SNTB1: variants seen among roughly 807,000 people sequenced by gnomAD.
The protein encoded by SNTB1 is syntrophin beta 1.
A neutral mutation model predicts 48.9 loss-of-function variants in SNTB1; 36 were observed. The ratio of observed to expected loss-of-function variants is 0.74; its 90% CI spans 0.56 to 0.97. The LOEUF (loss-of-function observed/expected upper bound fraction) is 0.97, where lower values mean the gene tolerates loss of function less well. Ranked by LOEUF, SNTB1 falls within the 50% of genes least tolerant of loss-of-function variation. The pLI, the probability that SNTB1 is intolerant of heterozygous loss-of-function variation, is 0.00. For missense variants in SNTB1, 786 were observed against 703.4 expected (o/e 1.12, Z -1.33); for synonymous variants, 299 against 294.6 (o/e 1.01, Z -0.15).
At chr8:120,663,284 A>C (rs1179594882) in intron 2 of SNTB1, among the ~76,000 whole-genome samples, 1 of 152,208 alleles carries the variant, frequency 6.6e-6, no homozygotes, top group African/African-American at 2.4e-5. Flanking sequence ...ATGAAGAGGA[A>C]AAGTTAACTA....
At chr8:120,542,612 C>G (rs1178073608) in intron 5 of SNTB1, among the ~76,000 whole-genome samples, 1 of 152,030 alleles carries the variant, frequency 6.6e-6, no homozygotes, top group Non-Finnish European at 1.5e-5. Context: ...CGAGATTGCT[C>G]CACTGTACTC....
chr8:120,545,386 C>A lies in SNTB1; in HGVS notation c.1333+3376G>T, dbSNP rs62526663. ...ACTCCTGGGTGACCAGGAAGTTGCA[C>A]CCTGGCGTTATACGACTCAAAGAGT... On this transcript the variant is annotated intron_variant, in intron 5 of 6. Transcript: ENST00000517992. 5.8e-3 allele frequency among the ~76,000 whole-genome samples: 888 copies of A among 152,218 alleles called. 7 individuals carry two copies. Among genetic ancestry groups the A allele is most frequent in the East Asian group, 0.024 (125 of 5,182 alleles).
rs200609663 is a variant in SNTB1 at position 120,787,464 on chromosome 8, C to T, written c.571+23809G>A. 4.1e-5 allele frequency among the ~76,000 whole-genome samples: 6 copies of T among 144,752 alleles called. 1 individual carries two copies. Among genetic ancestry groups the T allele is most frequent in the African/African-American group, 1.4e-4 (5 of 34,928 alleles). 95.0% of individuals were successfully genotyped at this position (144,752 alleles called of 152,430 possible). On this transcript the variant is annotated intron_variant, in intron 1 of 6. Coordinates refer to ENST00000517992, the MANE Select transcript of SNTB1 (RefSeq NM_021021.4). ...AGATACAGAAGAAAGGTAAAAAAAACAACATAAATAAATTTCAAAAACAAT... is the reference window on the plus strand; with the variant it reads ...AGATACAGAAGAAAGGTAAAAAAAATAACATAAATAAATTTCAAAAACAAT...
At chr8:120,778,837 A>C (rs1399965353) in intron 1 of SNTB1, among the ~76,000 whole-genome samples, 1 of 152,244 alleles carries the variant, frequency 6.6e-6, no homozygotes, top group Non-Finnish European at 1.5e-5. Flanking sequence ...GTCTAAAAAA[A>C]CTGAAAAAAC....
intron 4 of SNTB1, among the ~76,000 whole-genome samples, chr8:120,560,834 T>G (rs2130667077): frequency 6.6e-6 from 1 of 152,300 alleles, no homozygotes; most frequent in Non-Finnish European, 1.5e-5. Flanking sequence ...GCCGCAACGC[T>G]TCTTTGAAAG....
chr8:120,708,507 G>A (rs1045866182), intron 1 of SNTB1, among the ~76,000 whole-genome samples: 1 of 151,892 alleles, frequency 6.6e-6, no homozygotes, highest in Non-Finnish European at 1.5e-5. Flanking sequence ...ATTTTTAAAA[G>A]GAAAATTGCC....
chr8:120,658,045 C>G (rs1243717518), intron 2 of SNTB1, among the ~76,000 whole-genome samples: 2 of 152,136 alleles, frequency 1.3e-5, no homozygotes, highest in South Asian at 4.1e-4. Flanking sequence ...CAGTACTTCA[C>G]CATTACCAAA....
chr8:120,745,989 A>C (rs1196932028), intron 1 of SNTB1, among the ~76,000 whole-genome samples: 3 of 152,200 alleles, frequency 2.0e-5, no homozygotes, highest in African/African-American at 7.2e-5. Context: ...CTGTGGGTCC[A>C]ATCCACCTGT....
intron 1 of SNTB1, among the ~76,000 whole-genome samples, chr8:120,731,363 G>A (rs991516735): frequency 1.3e-5 from 2 of 152,090 alleles, no homozygotes; most frequent in African/African-American, 4.8e-5. Flanking sequence ...GGAAACACAC[G>A]TGTTCTGTAA....
In SNTB1 at chr8:120,715,846, C is replaced by T. The variant is rs534540966; in HGVS notation, c.572-21938G>A. Among the ~76,000 whole-genome samples the T allele has an allele frequency of 2.6e-5, 4 of 152,186 alleles. No homozygotes were observed. In the East Asian group the frequency reaches 7.7e-4, roughly 29 times the overall value. ...GAGAGACTGTTTTGAGAAAGTAATC[C>T]GAGTGAAGGTTAGTAAAAAAGCCAA... On this transcript the variant is annotated intron_variant, in intron 1 of 6. Coordinates refer to ENST00000517992, the MANE Select transcript of SNTB1 (RefSeq NM_021021.4).
intron 6 of SNTB1, 104 bp downstream of exon 6, chr8:120,541,706 C>T (rs1486960475): frequency 2.8e-6 from 2 of 714,128 alleles, no homozygotes; most frequent in East Asian, 3.0e-5. Flanking sequence ...GGCTTGCAAG[C>T]ACATCATTAG....
At chr8:120,582,381 G>GA (rs566509791) in intron 3 of SNTB1, among the ~76,000 whole-genome samples, 7 of 150,304 alleles carry the variant, frequency 4.7e-5, no homozygotes, top group East Asian at 3.9e-4. Context: ...ACTAGAAATA[G>GA]AAAAAAAAAT....
chr8:120,580,034 A>G (rs566969661), intron 3 of SNTB1, among the ~76,000 whole-genome samples: 3 of 152,276 alleles, frequency 2.0e-5, no homozygotes, highest in Admixed American at 6.5e-5. Context: ...GTGGGACTAA[A>G]TTATTGCTAG....
intron 3 of SNTB1, among the ~76,000 whole-genome samples, chr8:120,632,002 T>G (rs10103625): frequency 0.02 from 3,040 of 152,278 alleles, 97 homozygotes; most frequent in African/African-American, 0.07. Context: ...ATTCTTGCTG[T>G]TATTTGTAAA....
chr8:120,590,969 A>C (rs955218136), intron 3 of SNTB1, among the ~76,000 whole-genome samples: 1 of 152,064 alleles, frequency 6.6e-6, no homozygotes, highest in African/African-American at 2.4e-5. Context: ...ACCAACGTGA[A>C]ACACTGTGCC....
intron 1 of SNTB1, among the ~76,000 whole-genome samples, chr8:120,722,979 T>C (rs1563580657): frequency 6.6e-6 from 1 of 152,226 alleles, no homozygotes; most frequent in South Asian, 2.1e-4. Context: ...TTTCTACATA[T>C]GGCTAGACAG....
chr8:120,643,577 T>TTGCTGCAACCTGGA (rs1817232788), intron 2 of SNTB1, among the ~76,000 whole-genome samples: 1 of 152,240 alleles, frequency 6.6e-6, no homozygotes, highest in Admixed American at 6.5e-5. Flanking sequence ...TTCATCCAGG[T>TTGCTGCAACCTGGA]TGCTGCAAAT....
At chr8:120,646,752 C>G (rs1817304285) in intron 2 of SNTB1, among the ~76,000 whole-genome samples, 1 of 152,110 alleles carries the variant, frequency 6.6e-6, no homozygotes, top group Non-Finnish European at 1.5e-5. Context: ...ACCAGTTCCT[C>G]CTTGTACCTC....
chr8:120,590,352 G>C (rs1290319843), intron 3 of SNTB1, among the ~76,000 whole-genome samples: 1 of 152,102 alleles, frequency 6.6e-6, no homozygotes, highest in Non-Finnish European at 1.5e-5. Context: ...TCTTTCTTCT[G>C]TCTTTCAATT....
Sources: allele counts gnomAD v4.1 joint callset (sites outside exome capture counted in the v4.1 genomes callset), GRCh38; gene constraint gnomAD v4.1.1; transcripts MANE v1.5; gene names NCBI Gene and HGNC (gene_info 2026-07-23, HGNC 2026-07-21).